MBOAT2: variants seen among roughly 807,000 people sequenced by gnomAD.
MBOAT2 encodes the protein membrane bound glycerophospholipid O-acyltransferase 2, also known as membrane-bound glycerophospholipid O-acyltransferase 2.
In MBOAT2, 28 loss-of-function variants were observed where a neutral mutation model predicts 63.4. The ratio of observed to expected loss-of-function variants is 0.44; its 90% CI spans 0.33 to 0.61. The LOEUF (loss-of-function observed/expected upper bound fraction) is 0.61, where lower values mean the gene tolerates loss of function less well. MBOAT2 is among the 20% of genes least tolerant of loss of function. MBOAT2 has a pLI of 0.03. For synonymous variants in MBOAT2, 211 were observed against 215.6 expected (o/e 0.98, Z 0.19); for missense variants, 470 against 605.8 (o/e 0.78, Z 2.35).
intron 3 of MBOAT2, among the ~76,000 whole-genome samples, chr2:8,942,346 T>C (rs1668115726): frequency 6.6e-6 from 1 of 152,244 alleles, no homozygotes; most frequent in Non-Finnish European, 1.5e-5. Flanking sequence ...AGGTCATACA[T>C]CATAGCTCAG....
At chr2:8,949,010 G>A (rs537404319) in intron 2 of MBOAT2, among the ~76,000 whole-genome samples, 1 of 152,192 alleles carries the variant, frequency 6.6e-6, no homozygotes, top group East Asian at 1.9e-4. Context: ...GTTGTGTTTT[G>A]ACTTTTTAAT....
chr2:8,981,930 G>A (rs115337814), intron 1 of MBOAT2, among the ~76,000 whole-genome samples: 1 of 152,270 alleles, frequency 6.6e-6, no homozygotes, highest in African/African-American at 2.4e-5. Context: ...ACATTGGAAA[G>A]AGCACACAAA....
At chr2:8,904,032 A>G (rs1205147023) in intron 4 of MBOAT2, among the ~76,000 whole-genome samples, 1 of 151,590 alleles carries the variant, frequency 6.6e-6, no homozygotes, top group Non-Finnish European at 1.5e-5. Flanking sequence ...GCTGGAGTGC[A>G]GTGGTGTGAT....
At chr2:8,943,044 T>C (rs1007189961) in intron 3 of MBOAT2, 143 bp downstream of exon 3, 1 of 522,496 alleles carries the variant, frequency 1.9e-6, no homozygotes. Flanking sequence ...TACCAATGAT[T>C]TTATTTTTGT....
At chr2:8,957,179 A>G (rs1251213992) in intron 2 of MBOAT2, among the ~76,000 whole-genome samples, 1 of 152,210 alleles carries the variant, frequency 6.6e-6, no homozygotes, top group Non-Finnish European at 1.5e-5. Flanking sequence ...TGGGCATATG[A>G]GGGCTCACTA....
At chr2:8,933,779 A>G (rs1190414596) in intron 3 of MBOAT2, among the ~76,000 whole-genome samples, 1 of 152,218 alleles carries the variant, frequency 6.6e-6, no homozygotes, top group Non-Finnish European at 1.5e-5. Flanking sequence ...CAGAATGTCC[A>G]AAGTAATGCC....
intron 1 of MBOAT2, among the ~76,000 whole-genome samples, chr2:8,980,333 C>T (rs756452363): frequency 3.9e-5 from 6 of 152,130 alleles, no homozygotes; most frequent in Non-Finnish European, 7.4e-5. Flanking sequence ...AGCAACTCAA[C>T]ACCACCCAAT....
intron 7 of MBOAT2, 30 bp from the exon 8 acceptor site, chr2:8,873,330 C>T: frequency 6.3e-7 from 1 of 1,599,026 alleles, no homozygotes; most frequent in South Asian, 1.1e-5. Context: ...ACTTCATCAA[C>T]TTTATCCATG....
chr2:8,943,293 A>G, intron 2 of MBOAT2, 29 bp from the exon 3 acceptor site: 1 of 1,361,626 alleles, frequency 7.3e-7, no homozygotes, highest in Non-Finnish European at 1.0e-6. Flanking sequence ...CTATTAGAAG[A>G]GGGATGCCAA....
At chr2:8,889,342 C>T (rs1468994297) in intron 4 of MBOAT2, among the ~76,000 whole-genome samples, 2 of 152,204 alleles carry the variant, frequency 1.3e-5, no homozygotes, top group African/African-American at 4.8e-5. Flanking sequence ...CAGACCTGGG[C>T]CCTTGAGAAG....
At chr2:8,912,049 G>A (rs1665746014) in intron 3 of MBOAT2, among the ~76,000 whole-genome samples, 1 of 151,874 alleles carries the variant, frequency 6.6e-6, no homozygotes, top group Non-Finnish European at 1.5e-5. Flanking sequence ...ATACCTTTAT[G>A]ATTAAAACCC....
intron 4 of MBOAT2, among the ~76,000 whole-genome samples, chr2:8,902,108 C>T (rs188996928): frequency 3.4e-3 from 511 of 152,250 alleles, no homozygotes; most frequent in Non-Finnish European, 5.1e-3. Flanking sequence ...GAAGCTGGTT[C>T]CAGGCAAACC....
At chr2:8,868,624 GTTA>G in intron 8 of MBOAT2, 75 bp from the exon 9 acceptor site, 1 of 1,182,558 alleles carries the variant, frequency 8.5e-7, no homozygotes, top group Non-Finnish European at 1.2e-6. Context: ...GAAGGTATGT[GTTA>G]TTATATCTTT....
At chr2:8,863,698 T>C (rs1661655206) in intron 10 of MBOAT2, among the ~76,000 whole-genome samples, 1 of 152,216 alleles carries the variant, frequency 6.6e-6, no homozygotes, top group South Asian at 2.1e-4. Context: ...TGTGAACTCT[T>C]TCACTTTCAG....
intron 3 of MBOAT2, among the ~76,000 whole-genome samples, chr2:8,911,603 T>TG (rs1665713671): frequency 6.6e-6 from 1 of 152,276 alleles, no homozygotes; most frequent in South Asian, 2.1e-4. Context: ...ATGCCTTCCC[T>TG]GGGGGATGAG....
intron 4 of MBOAT2, among the ~76,000 whole-genome samples, chr2:8,901,876 C>T (rs1664957471): frequency 6.6e-6 from 1 of 152,124 alleles, no homozygotes; most frequent in Non-Finnish European, 1.5e-5. Context: ...CAGGACTAGC[C>T]TTGGAGAAGA....
intron 1 of MBOAT2, among the ~76,000 whole-genome samples, chr2:8,984,889 A>G (rs1280864421): frequency 3.3e-5 from 5 of 152,158 alleles, no homozygotes; most frequent in Non-Finnish European, 7.3e-5. Flanking sequence ...TCAGACAGGA[A>G]AGCCAGTCGC....
intron 9 of MBOAT2, among the ~76,000 whole-genome samples, chr2:8,867,977 C>T (rs971637868): frequency 6.6e-6 from 1 of 152,156 alleles, no homozygotes; most frequent in Non-Finnish European, 1.5e-5. Context: ...CTTCCCCAAC[C>T]TCATCCTTCA....
chr2:8,978,284 C>T lies in MBOAT2; in HGVS notation c.76-19642G>A, dbSNP rs116143104. Among the ~76,000 whole-genome samples the T allele has an allele frequency of 3.3e-4, 50 of 152,224 alleles. 1 individual carries two copies. The highest frequency in any genetic ancestry group is 1.2e-3 in the African/African-American group (50 of 41,558). ...TCCCCACCTCCACACATGGAATGCA[C>T]ACAGATGTTTCACCATTCACAACTC... On this transcript the variant is annotated intron_variant, in intron 1 of 12. Coordinates refer to ENST00000305997, the MANE Select transcript of MBOAT2 (RefSeq NM_138799.4).
Sources: gnomAD v4.1 joint callset for allele counts (sites outside exome capture counted in the v4.1 genomes callset) on GRCh38, gnomAD v4.1.1 for gene constraint, MANE v1.5 for transcripts, NCBI Gene and HGNC (gene_info 2026-07-23, HGNC 2026-07-21) for gene names.